Variants in DRGX observed in about 807,000 individuals in gnomAD.
DRGX encodes the protein dorsal root ganglia homeobox.
Under a neutral mutation model 28.6 loss-of-function variants are expected in DRGX, and 21 were observed. That is an observed-to-expected ratio of 0.73 (90% CI 0.52 to 1.06). The LOEUF (loss-of-function observed/expected upper bound fraction) is 1.06, where lower values mean the gene tolerates loss of function less well. Among genes scored for constraint, DRGX ranks in the 50% least tolerant of loss-of-function variants. The pLI is 0.00. For missense variants in DRGX, 354 were observed against 343.9 expected (o/e 1.03, Z -0.23); for synonymous variants, 136 against 139.1 (o/e 0.98, Z 0.16).
chr10:49,369,385 A>C (rs974725853), intron 6 of DRGX, among the ~76,000 whole-genome samples: 2 of 152,204 alleles, frequency 1.3e-5, no homozygotes, highest in African/African-American at 2.4e-5. Context: ...TAAAAACCGT[A>C]AGGACTGTAC....
chr10:49,390,285 G>A, intron 3 of DRGX, 51 bp from the exon 4 acceptor site: 1 of 1,458,200 alleles, frequency 6.9e-7, no homozygotes, highest in Non-Finnish European at 9.4e-7. Flanking sequence ...CTAGGTGAGG[G>A]GAAGCAGATG....
chr10:49,369,620 G>C (rs1332560384), intron 6 of DRGX, among the ~76,000 whole-genome samples: 1 of 152,126 alleles, frequency 6.6e-6, no homozygotes. Flanking sequence ...ATTGTTCGCC[G>C]GTCAGAGCTT....
At chr10:49,379,764 G>A (rs999533741) in intron 6 of DRGX, among the ~76,000 whole-genome samples, 2 of 152,212 alleles carry the variant, frequency 1.3e-5, no homozygotes, top group Non-Finnish European at 2.9e-5. Context: ...CAGGACTGTG[G>A]CTCAATTGCT....
At chr10:49,391,007 T>C (rs1849897209) in intron 3 of DRGX, among the ~76,000 whole-genome samples, 157 bp downstream of exon 3, 1 of 152,162 alleles carries the variant, frequency 6.6e-6, no homozygotes, top group Admixed American at 6.5e-5. Context: ...GCCTCCTAAA[T>C]TTTGATTCCA....
chr10:49,367,188 G>C (rs549847391), intron 6 of DRGX, among the ~76,000 whole-genome samples: 2 of 152,058 alleles, frequency 1.3e-5, no homozygotes, highest in Non-Finnish European at 2.9e-5. Context: ...AGACCCTATC[G>C]CTACAAAATA....
rs1244807998 is a variant in DRGX at position 49,391,276 on chromosome 10, C to G, written c.35-15G>C. On this transcript the variant is annotated splice_polypyrimidine_tract_variant and intron_variant, in intron 2 of 6. Coordinates refer to ENST00000374139, the MANE Select transcript of DRGX (RefSeq NM_001276451.2). ...GGTTGCAGTGCCTACCAAGAGCAAA[C>G]TGATCAACCTGGGCAGGAAGGGGCC... 1.1e-5 allele frequency: 18 copies of G among 1,604,434 alleles called. No individual in the cohort carries two copies. The highest frequency in any genetic ancestry group is 1.4e-5 in the Non-Finnish European group (17 of 1,175,318).
rs778507201 is a variant in DRGX at position 49,366,276 on chromosome 10, A to C, written c.632T>G (p.Met211Arg). The change falls in exon 7 of 7, where the codon ATG (methionine) becomes AGG (arginine). Residue 211 changes from methionine (M) to arginine (R), a missense_variant. Met to Arg is a moderately conservative substitution (Grantham distance 91). Transcript: ENST00000374139. ...NRTASVATLR[M>R]KAREHSEAVL... Reference sequence around the variant, plus strand: ...AGCTTCTGAGTGCTCGCGGGCCTTCATGCGCAGGGTGGCCACGCTGGCCGT... The same window carrying C: ...AGCTTCTGAGTGCTCGCGGGCCTTCCTGCGCAGGGTGGCCACGCTGGCCGT... 14 of 1,613,972 alleles carry C rather than the reference A, an allele frequency of 8.7e-6. No homozygotes were observed. The East Asian group carries it at 2.2e-4, about 26-fold the overall frequency.
At chr10:49,373,718 A>C (rs919271753) in intron 6 of DRGX, among the ~76,000 whole-genome samples, 1 of 152,204 alleles carries the variant, frequency 6.6e-6, no homozygotes, top group Admixed American at 6.5e-5. Context: ...AACTGTGAGA[A>C]ATAAATTTCC....
chr10:49,376,738 T>C lies in DRGX; in HGVS notation c.526+9740A>G, dbSNP rs116440581. ...CCCAGTGTCAAGAAGGACGCAGCAT[T>C]GCCAGGCTCCTTCCCGGTGTTCATG... On this transcript the variant is annotated intron_variant, in intron 6 of 6. Transcript: ENST00000374139. Among the ~76,000 whole-genome samples, 509 of 152,298 alleles carry C rather than the reference T, an allele frequency of 3.3e-3. 2 individuals carry two copies. Among genetic ancestry groups the C allele is most frequent in the African/African-American group, 0.012 (491 of 41,554 alleles).
intron 2 of DRGX, among the ~76,000 whole-genome samples, chr10:49,391,559 G>A (rs941472549): frequency 6.6e-6 from 1 of 152,112 alleles, no homozygotes; most frequent in African/African-American, 2.4e-5. Context: ...TCACTGGCTT[G>A]AGGCAGAGCC....
intron 2 of DRGX, among the ~76,000 whole-genome samples, chr10:49,392,054 G>C (rs1276095929): frequency 6.6e-6 from 1 of 152,214 alleles, no homozygotes; most frequent in East Asian, 1.9e-4. Context: ...TTCCAAGCTC[G>C]TTATAAACGC....
chr10:49,382,497 G>A (rs1388178928), intron 6 of DRGX, among the ~76,000 whole-genome samples: 2 of 152,204 alleles, frequency 1.3e-5, no homozygotes, highest in Non-Finnish European at 2.9e-5. Context: ...GGGAGGCTAT[G>A]TCATAGCCCA....
rs752716362 is a variant in DRGX at position 49,390,232 on chromosome 10, C to T, written c.135G>A (p.Leu45=). 6.2e-7 allele frequency: 1 copy of T among 1,608,008 alleles called. No individual in the cohort carries two copies. The highest frequency in any genetic ancestry group is 8.5e-7 in the Non-Finnish European group (1 of 1,177,070). ...RNRTTFTLQQ[L]EALEAVFAQT... ...GGGCAAAAACGGCCTCGAGAGCTTC[C>T]AGCTGGTAAAAGGAAAAAATATGTA... is the stretch of plus-strand genomic sequence containing the variant. The change falls in exon 4 of 7, where the codon CTG becomes CTA. Residue 45 remains leucine, a splice_region_variant and synonymous_variant. Transcript: ENST00000374139.
intron 6 of DRGX, among the ~76,000 whole-genome samples, chr10:49,372,240 G>T (rs1849667193): frequency 6.6e-6 from 1 of 152,160 alleles, no homozygotes; most frequent in South Asian, 2.1e-4. Context: ...GTCATAAGGT[G>T]ACAAACACAC....
In DRGX at chr10:49,364,461, C is replaced by T. The variant is rs1849577216; in HGVS notation, c.*1655G>A. On this transcript the variant is annotated 3_prime_UTR_variant, in exon 7 of 7. Coordinates refer to ENST00000374139, the MANE Select transcript of DRGX (RefSeq NM_001276451.2). ...TGTTAAGTATTCTTAATTTGCTCAA[C>T]AGTTCACTTATTTATGTACCTTTCT... 6.6e-6 allele frequency: 1 copy of T among 152,186 alleles called. No individual in the cohort carries two copies. Among genetic ancestry groups the T allele is most frequent in the African/African-American group, 2.4e-5 (1 of 41,454 alleles). The allele number at this position is 152,186 out of a possible 1,614,324, so 9.4% of individuals were successfully genotyped here. A position where few individuals can be genotyped will look rare whatever the true frequency, so the allele number is the denominator to read the frequency against.
rs1849585706 is a variant in DRGX at position 49,365,216 on chromosome 10, T to C, written c.*900A>G. ...GGCATGTGGGGAAAGGTAGTTCATCTGTATGCATAATTACTTCAGAGGCAT... is the reference window on the plus strand; with the variant it reads ...GGCATGTGGGGAAAGGTAGTTCATCCGTATGCATAATTACTTCAGAGGCAT... On this transcript the variant is annotated 3_prime_UTR_variant, in exon 7 of 7. Coordinates refer to ENST00000374139, the MANE Select transcript of DRGX (RefSeq NM_001276451.2). 6.6e-6 allele frequency: 1 copy of C among 152,236 alleles called. No homozygotes were observed. The highest frequency in any genetic ancestry group is 2.4e-5 in the African/African-American group (1 of 41,466). 9.4% of individuals were successfully genotyped at this position (152,236 alleles called of 1,614,324 possible).
chr10:49,388,643 A>G (rs1849866487), intron 4 of DRGX, among the ~76,000 whole-genome samples: 1 of 152,230 alleles, frequency 6.6e-6, no homozygotes, highest in Non-Finnish European at 1.5e-5. Context: ...GCTATTTTTC[A>G]TTATCATATT....
intron 6 of DRGX, among the ~76,000 whole-genome samples, chr10:49,368,918 G>A (rs1238154896): frequency 6.6e-6 from 1 of 152,232 alleles, no homozygotes; most frequent in Non-Finnish European, 1.5e-5. Flanking sequence ...GGCTCTCAGG[G>A]ACCTGGAAGA....
At chr10:49,394,314 G>C (rs1351470012) in intron 2 of DRGX, among the ~76,000 whole-genome samples, 1 of 152,192 alleles carries the variant, frequency 6.6e-6, no homozygotes, top group Non-Finnish European at 1.5e-5. Flanking sequence ...CTCAGCCACT[G>C]CTCAGGGCAG....
Sources: gnomAD v4.1 joint callset for allele counts (sites outside exome capture counted in the v4.1 genomes callset) on GRCh38, gnomAD v4.1.1 for gene constraint, MANE v1.5 for transcripts, NCBI Gene and HGNC (gene_info 2026-07-23, HGNC 2026-07-21) for gene names.